The following FYB1 variants were observed in gnomAD, a reference collection of about 807,000 sequenced individuals.
FYB1 encodes FYN binding protein 1.
Under a neutral mutation model 94.1 loss-of-function variants are expected in FYB1, and 41 were observed. The observed-to-expected ratio is 0.44, with a 90% CI of 0.34 to 0.57. The LOEUF (loss-of-function observed/expected upper bound fraction) is 0.57, where lower values mean the gene tolerates loss of function less well. FYB1 is among the 20% of genes least tolerant of loss of function. The pLI, the probability that FYB1 is intolerant of heterozygous loss-of-function variation, is 0.02. For synonymous variants in FYB1, 367 were observed against 353.2 expected (o/e 1.04, Z -0.44); for missense variants, 1,050 against 976.8 (o/e 1.07, Z -1.00).
chr5:39,274,219 A>C (rs1472694297), intron 1 of FYB1, among the ~76,000 whole-genome samples: 2 of 152,214 alleles, frequency 1.3e-5, no homozygotes, highest in Non-Finnish European at 2.9e-5. Context: ...TTTTAAAAGA[A>C]GCATGGTTAA....
At chr5:39,261,733 C>T (rs1035892648) in intron 1 of FYB1, among the ~76,000 whole-genome samples, 8 of 151,398 alleles carry the variant, frequency 5.3e-5, no homozygotes, top group African/African-American at 1.2e-4. Flanking sequence ...GGCAACAAGG[C>T]GAGACTCTGT....
intron 2 of FYB1, among the ~76,000 whole-genome samples, chr5:39,168,625 C>T (rs1744955618): frequency 6.6e-6 from 1 of 152,104 alleles, no homozygotes. Flanking sequence ...TCAAACAATG[C>T]CAGGTTTTAC....
chr5:39,174,934 C>G (rs1385094660), intron 2 of FYB1, among the ~76,000 whole-genome samples: 1 of 152,160 alleles, frequency 6.6e-6, no homozygotes, highest in Non-Finnish European at 1.5e-5. Flanking sequence ...GACCTCTTCT[C>G]CCATAGAGAA....
chr5:39,139,216 A>C lies in FYB1; in HGVS notation c.1359+17T>G. ...CTGATTATGTCAATATAATATGAGA[A>C]GAGAAAAAAATCTGACCTCATCTAG... is the stretch of plus-strand genomic sequence containing the variant. On this transcript the variant is annotated intron_variant, in intron 5 of 18. Transcript: ENST00000512982. 1 of 1,462,592 alleles carries C rather than the reference A, an allele frequency of 6.8e-7. No homozygotes were observed. The highest frequency in any genetic ancestry group is 9.2e-7 in the Non-Finnish European group (1 of 1,082,130). 90.6% of individuals were successfully genotyped at this position (1,462,592 alleles called of 1,614,324 possible). A position where few individuals can be genotyped will look rare whatever the true frequency, so the allele number is the denominator to read the frequency against.
chr5:39,218,241 C>T (rs533349681), intron 1 of FYB1, among the ~76,000 whole-genome samples: 3 of 152,316 alleles, frequency 2.0e-5, no homozygotes, highest in East Asian at 3.9e-4. Context: ...TGCACCATAA[C>T]GCCTTTGATA....
chr5:39,245,632 C>T (rs1431970320), intron 1 of FYB1, among the ~76,000 whole-genome samples: 3 of 148,254 alleles, frequency 2.0e-5, no homozygotes, highest in East Asian at 2.0e-4. Context: ...GAATGTCATT[C>T]TTGTTGCCCA....
chr5:39,162,661 G>C (rs532443061), intron 2 of FYB1, among the ~76,000 whole-genome samples: 2 of 152,078 alleles, frequency 1.3e-5, no homozygotes, highest in African/African-American at 4.8e-5. Context: ...CTCCAGCCTG[G>C]GCAACAGAGA....
intron 16 of FYB1, among the ~76,000 whole-genome samples, chr5:39,114,722 T>G (rs911043973): frequency 1.3e-5 from 2 of 152,204 alleles, no homozygotes; most frequent in Non-Finnish European, 1.5e-5. Flanking sequence ...CAGACTTCTT[T>G]CTGTGAGTAT....
intron 1 of FYB1, among the ~76,000 whole-genome samples, chr5:39,257,435 T>C (rs193086603): frequency 2.0e-5 from 3 of 151,952 alleles, no homozygotes; most frequent in African/African-American, 7.2e-5. Context: ...TTTTTTTGCA[T>C]GTAGAACTTA....
intron 2 of FYB1, among the ~76,000 whole-genome samples, chr5:39,167,691 G>C: frequency 7.9e-6 from 1 of 126,738 alleles, no homozygotes; most frequent in African/African-American, 3.5e-5. Context: ...GGGCAGTGGT[G>C]GGGGGAAGTG....
chr5:39,145,702 G>A (rs150470241), intron 3 of FYB1, among the ~76,000 whole-genome samples: 86 of 152,090 alleles, frequency 5.7e-4, no homozygotes, highest in African/African-American at 2.0e-3. Context: ...GGCATACAAG[G>A]TTCTTATGAT....
At chr5:39,168,597 A>G (rs1316453109) in intron 2 of FYB1, among the ~76,000 whole-genome samples, 2 of 152,322 alleles carry the variant, frequency 1.3e-5, no homozygotes, top group East Asian at 1.9e-4. Flanking sequence ...ACTTTGCTTA[A>G]TAATTCTAAC....
At chr5:39,246,950 T>C (rs926941253) in intron 1 of FYB1, among the ~76,000 whole-genome samples, 2 of 151,698 alleles carry the variant, frequency 1.3e-5, no homozygotes, top group African/African-American at 4.8e-5. Context: ...AAGTTACTTC[T>C]TTGTGCCTCA....
chr5:39,119,748 C>T, intron 14 of FYB1, 114 bp from the exon 15 acceptor site: 1 of 1,234,190 alleles, frequency 8.1e-7, no homozygotes, highest in East Asian at 3.0e-5. Context: ...TCAGTTAATT[C>T]TTTTTGTTAG....
chr5:39,166,979 C>G (rs1430586645), intron 2 of FYB1, among the ~76,000 whole-genome samples: 1 of 151,954 alleles, frequency 6.6e-6, no homozygotes, highest in Admixed American at 6.6e-5. Flanking sequence ...AAAGGAGGGA[C>G]CCTGAGTCAA....
intron 2 of FYB1, among the ~76,000 whole-genome samples, chr5:39,160,060 T>A (rs1744109865): frequency 6.6e-6 from 1 of 152,226 alleles, no homozygotes; most frequent in Non-Finnish European, 1.5e-5. Flanking sequence ...TGTGTTTGGA[T>A]GGCCTCATGG....
At chr5:39,222,049 A>G (rs1055881555), upstream of FYB1, among the ~76,000 whole-genome samples, 8 of 152,074 alleles carry the variant, frequency 5.3e-5, no homozygotes, top group African/African-American at 1.9e-4. Flanking sequence ...AAAATAAAAT[A>G]AAATGAAATA....
In FYB1 at chr5:39,202,946, GTTATATT is replaced by G; in HGVS notation, c.8_14del (p.Lys3ThrfsTer79). The stretch of plus-strand genomic sequence containing the variant: ...CATCCTCTGTCGGGTTGCCCCCCGT[GTTATATT>G]TCGCCATGAGGGACTTTACATCTGC... On this transcript the variant is annotated frameshift_variant, in exon 2 of 19. Transcript: ENST00000512982. LOFTEE classifies it high-confidence loss of function. 2 of 1,613,862 alleles carry G rather than the reference GTTATATT, an allele frequency of 1.2e-6. No homozygotes were observed. The highest frequency in any genetic ancestry group is 1.7e-6 in the Non-Finnish European group (2 of 1,179,882).
At position 39,239,664 on chromosome 5, in the gene FYB1, C is replaced by A. The variant is rs879930423; in HGVS notation, c.-28+34739G>T. On this transcript the variant is annotated intron_variant, in intron 1 of 1. Coordinates refer to the FYB1 transcript ENST00000510188. ...CACTGCTCAAAGAAATCAGAGATGA[C>A]ACAAACAAATGGAAAATCATTCCAT... Among the ~76,000 whole-genome samples, 56 of 152,020 alleles carry A rather than the reference C, an allele frequency of 3.7e-4. 2 individuals are homozygous for A. Among genetic ancestry groups the A allele is most frequent in the Admixed American group, 7.9e-4 (12 of 15,258 alleles).
Sources: gnomAD v4.1 joint callset for allele counts (sites outside exome capture counted in the v4.1 genomes callset) on GRCh38, gnomAD v4.1.1 for gene constraint, MANE v1.5 for transcripts, NCBI Gene and HGNC (gene_info 2026-07-23, HGNC 2026-07-21) for gene names.